EPS8: variants seen among roughly 807,000 people sequenced by gnomAD.
EPS8 encodes the protein EGFR pathway substrate 8, signaling adaptor.
A neutral mutation model predicts 103.8 loss-of-function variants in EPS8; 42 were observed. The ratio of observed to expected loss-of-function variants is 0.40; its 90% CI spans 0.32 to 0.52. The LOEUF (loss-of-function observed/expected upper bound fraction) is 0.52, where lower values mean the gene tolerates loss of function less well. Ranked by LOEUF, EPS8 falls within the 20% of genes least tolerant of loss-of-function variation. The probability of loss-of-function intolerance (pLI) is 0.40; values close to 1 mark genes in which losing one functional copy is unlikely to be tolerated. For missense variants in EPS8, 969 were observed against 1,005.1 expected (o/e 0.96, Z 0.49); for synonymous variants, 344 against 344.6 (o/e 1.00, Z 0.02).
In EPS8 at chr12:15,666,413, CTCCTTGATTTCTT is replaced by C; in HGVS notation, c.599+14_599+26del. The stretch of plus-strand genomic sequence containing the variant: ...AAGCCTTAGAAACAAATCAATTCCA[CTCCTTGATTTCTT>C]TCAATGCTTTTACCTCAGGGCGTCG... On this transcript the variant is annotated intron_variant, in intron 7 of 20. Transcript: ENST00000281172. 1 of 1,547,818 alleles carries C rather than the reference CTCCTTGATTTCTT, an allele frequency of 6.5e-7. No individual in the cohort carries two copies. Among genetic ancestry groups the C allele is most frequent in the South Asian group, 1.1e-5 (1 of 88,076 alleles).
chr12:15,621,533 G>A, intron 20 of EPS8, 103 bp from the exon 21 acceptor site: 1 of 626,154 alleles, frequency 1.6e-6, no homozygotes, highest in South Asian at 2.0e-5. Context: ...TTTTCTTCTA[G>A]TATCTCTTTA....
At chr12:15,707,871 T>G (rs1946409165) in intron 1 of EPS8, among the ~76,000 whole-genome samples, 1 of 152,204 alleles carries the variant, frequency 6.6e-6, no homozygotes, top group African/African-American at 2.4e-5. Context: ...AACACAATCA[T>G]TTCATCCTCT....
At chr12:15,755,269 C>T (rs1405399851) in intron 1 of EPS8, among the ~76,000 whole-genome samples, 4 of 152,136 alleles carry the variant, frequency 2.6e-5, no homozygotes, top group Non-Finnish European at 4.4e-5. Context: ...GCTGCTGCAC[C>T]CAGCCTTTGC....
chr12:15,703,855 T>G (rs1036750569), intron 1 of EPS8, among the ~76,000 whole-genome samples: 5 of 145,584 alleles, frequency 3.4e-5, no homozygotes, highest in South Asian at 2.2e-4. Context: ...TTGTTTTTTT[T>G]TTTTTTTTTT....
intron 1 of EPS8, among the ~76,000 whole-genome samples, chr12:15,770,667 A>G (rs1290783635): frequency 6.6e-6 from 1 of 152,234 alleles, no homozygotes; most frequent in African/African-American, 2.4e-5. Context: ...ATCATAGCCC[A>G]CATTTAAAAG....
chr12:15,630,317 G>A (rs1945023547), intron 18 of EPS8, among the ~76,000 whole-genome samples: 1 of 152,104 alleles, frequency 6.6e-6, no homozygotes, highest in East Asian at 1.9e-4. Context: ...TACACATCAA[G>A]TATAGGTAAA....
At chr12:15,722,916 G>A (rs1946612771) in intron 1 of EPS8, among the ~76,000 whole-genome samples, 1 of 150,190 alleles carries the variant, frequency 6.7e-6, no homozygotes, top group Non-Finnish European at 1.5e-5. Flanking sequence ...ATTGTGGAGC[G>A]ACACATTCAG....
Position 15,784,626 on chromosome 12 carries a change from G to A in EPS8, c.-22+4535C>T, listed in dbSNP as rs903228093. Among the ~76,000 whole-genome samples, 4 of 152,022 alleles carry A rather than the reference G, an allele frequency of 2.6e-5. No individual in the cohort carries two copies. The highest frequency in any genetic ancestry group is 4.8e-5 in the African/African-American group (2 of 41,404). Reference sequence around the variant, plus strand: ...AATCTTACCACAGGATCCAGCAATCGCACTTCTAGATATTTATCCAACGGA... The same window carrying A: ...AATCTTACCACAGGATCCAGCAATCACACTTCTAGATATTTATCCAACGGA... On this transcript the variant is annotated intron_variant, in intron 1 of 20. Transcript: ENST00000281172. This position sits in a 1 kb window ranked among gnomAD's most constrained non-coding sequence, Gnocchi z 4.0.
At chr12:15,627,048 G>A (rs1471835379) in intron 18 of EPS8, among the ~76,000 whole-genome samples, 2 of 151,432 alleles carry the variant, frequency 1.3e-5, no homozygotes, top group Non-Finnish European at 2.9e-5. Flanking sequence ...TTGCCATACT[G>A]GAGTGCAGTG....
intron 13 of EPS8, 59 bp from the exon 14 acceptor site, chr12:15,651,065 A>AGTTATCTTCAGTAAG: frequency 7.4e-7 from 1 of 1,357,820 alleles, no homozygotes; most frequent in Non-Finnish European, 1.0e-6. Flanking sequence ...CCATGCTCAC[A>AGTTATCTTCAGTAAG]GTTATCTTCA....
chr12:15,650,944 T>A lies in EPS8; in HGVS notation c.1313A>T (p.Glu438Val). The part of the protein sequence containing the change: ...PYVPRFRNGW[E>V]PPMLNFMGAT... ...TCCCATAAAGTTCAGCATTGGGGGC[T>A]CCCAGCCATTGCGGAATCGTGGAAC... Residue 438 changes from glutamate (E) to valine (V), a missense_variant, in exon 14 of 21, where the codon GAG (glutamate) becomes GTG (valine). By Grantham distance (121) the Glu-to-Val change is moderately radical (BLOSUM62 -2). Coordinates refer to ENST00000281172, the MANE Select transcript of EPS8 (RefSeq NM_004447.6). 6.2e-7 allele frequency: 1 copy of A among 1,613,996 alleles called. No individual in the cohort carries two copies. Among genetic ancestry groups the A allele is most frequent in the Non-Finnish European group, 8.5e-7 (1 of 1,179,934 alleles).
Position 15,695,314 on chromosome 12 carries a change from C to G in EPS8, c.-21-12342G>C, listed in dbSNP as rs1408390950. Among the ~76,000 whole-genome samples, 1 of 152,226 alleles carries G rather than the reference C, an allele frequency of 6.6e-6. No homozygotes were observed. Among genetic ancestry groups the G allele is most frequent in the African/African-American group, 2.4e-5 (1 of 41,452 alleles). On this transcript the variant is annotated intron_variant, in intron 1 of 20. Coordinates refer to ENST00000281172, the MANE Select transcript of EPS8 (RefSeq NM_004447.6). This position sits in a 1 kb window ranked among gnomAD's most constrained non-coding sequence, Gnocchi z 5.0. ...TCAACATTAATTGGCACCTGCCAAT[C>G]TGAGTACTACTTCATTCATTCGCTC...
rs570525306 is a variant in EPS8 at position 15,743,750 on chromosome 12, C to A, written c.-22+45411G>T. On this transcript the variant is annotated intron_variant, in intron 1 of 20. Transcript: ENST00000281172. Reference sequence around the variant, plus strand: ...CTGGATCCCTTCCTTACACCTTATACAAAATTAATTCAAGATGGATTAAAG... The same window carrying A: ...CTGGATCCCTTCCTTACACCTTATAAAAAATTAATTCAAGATGGATTAAAG... Among the ~76,000 whole-genome samples, 576 of 152,164 alleles carry A rather than the reference C, an allele frequency of 3.8e-3. 2 individuals carry two copies. Among genetic ancestry groups the A allele is most frequent in the Non-Finnish European group, 7.3e-3 (494 of 67,980 alleles).
intron 10 of EPS8, 107 bp downstream of exon 10, chr12:15,660,507 A>C (rs1591829084): frequency 1.4e-6 from 1 of 713,730 alleles, no homozygotes; most frequent in Non-Finnish European, 2.6e-6. Context: ...TAGATGATAC[A>C]CCCGCCTCGG....
Position 15,774,338 on chromosome 12 carries a change from G to A in EPS8, c.-22+14823C>T, listed in dbSNP as rs185119612. On this transcript the variant is annotated intron_variant, in intron 1 of 20. Coordinates refer to ENST00000281172, the MANE Select transcript of EPS8 (RefSeq NM_004447.6). ...CCCCCTCCTTCACCCCACCCCCCCT[G>A]CAACTTGCATACAGGCCTAGTGTTA... 3.5e-5 allele frequency among the ~76,000 whole-genome samples: 3 copies of A among 86,050 alleles called. 1 individual carries two copies. In the East Asian group the frequency reaches 8.6e-4, roughly 25 times the overall value. 56.5% of individuals were successfully genotyped at this position (86,050 alleles called of 152,430 possible).
chr12:15,701,485 TAC>T lies in EPS8; in HGVS notation c.-21-18515_-21-18514del, dbSNP rs748088669. Among the ~76,000 whole-genome samples the T allele has an allele frequency of 6.6e-6, 1 of 151,996 alleles. No individual in the cohort carries two copies. The highest frequency in any genetic ancestry group is 2.1e-4 in the South Asian group (1 of 4,828). On this transcript the variant is annotated intron_variant, in intron 1 of 20. Coordinates refer to ENST00000281172, the MANE Select transcript of EPS8 (RefSeq NM_004447.6). The surrounding 1 kb of genome is among the most constrained non-coding windows in gnomAD (Gnocchi z 5.1). ...ATAGTAACTTAAACACACTTAAGCATACACACACACACAATTACACATATACA... is the reference window on the plus strand; with the variant it reads ...ATAGTAACTTAAACACACTTAAGCATACACACACACAATTACACATATACA...
chr12:15,689,162 T>C (rs1036491855), intron 1 of EPS8, among the ~76,000 whole-genome samples: 3 of 152,102 alleles, frequency 2.0e-5, no homozygotes, highest in African/African-American at 7.2e-5. Context: ...AGTTACACCA[T>C]TGTGTGATAG....
At chr12:15,709,984 G>C (rs1053136334) in intron 1 of EPS8, among the ~76,000 whole-genome samples, 3 of 152,174 alleles carry the variant, frequency 2.0e-5, no homozygotes, top group Non-Finnish European at 2.9e-5. Context: ...GATCTGACAG[G>C]AGGCAGAGCT....
intron 13 of EPS8, 118 bp downstream of exon 13, chr12:15,654,027 G>GT: frequency 1.0e-6 from 1 of 986,396 alleles, no homozygotes; most frequent in Non-Finnish European, 1.5e-6. Flanking sequence ...AAGGGTTTAG[G>GT]TTTTTTCATC....
Sources: allele counts gnomAD v4.1 joint callset (sites outside exome capture counted in the v4.1 genomes callset), GRCh38; gene constraint gnomAD v4.1.1; non-coding constraint Gnocchi (gnomAD v3.1); transcripts MANE v1.5; gene names NCBI Gene and HGNC (gene_info 2026-07-23, HGNC 2026-07-21).